Variants in AP2B1 observed in about 807,000 individuals in gnomAD.
AP2B1 encodes adaptor related protein complex 2 subunit beta 1.
In AP2B1, 23 loss-of-function variants were observed where a neutral mutation model predicts 102.0. That is an observed-to-expected ratio of 0.23 (90% CI 0.16 to 0.32). The LOEUF (loss-of-function observed/expected upper bound fraction) is 0.32, where lower values mean the gene tolerates loss of function less well. Ranked by LOEUF, AP2B1 falls within the 10% of genes least tolerant of loss-of-function variation. The pLI, the probability that AP2B1 is intolerant of heterozygous loss-of-function variation, is 1.00. For missense variants in AP2B1, 541 were observed against 1,157.4 expected, an observed-to-expected ratio of 0.47 and a Z score of 7.73; for synonymous variants, 381 against 421.2, an observed-to-expected ratio of 0.90 and a Z score of 1.17.
chr17:35,709,451 T>G, intron 19 of AP2B1, 143 bp downstream of exon 19: 5 of 656,394 alleles, frequency 7.6e-6, no homozygotes, highest in Non-Finnish European at 1.1e-5. Flanking sequence ...TAATAATTGC[T>G]CATTATTTAT....
chr17:35,690,510 C>T (rs949649055), intron 18 of AP2B1, among the ~76,000 whole-genome samples: 2 of 152,196 alleles, frequency 1.3e-5, no homozygotes, highest in Admixed American at 1.3e-4. Context: ...TTTATCCTCT[C>T]TAAAAGAATC....
At chr17:35,683,852 T>A (rs587707783) in intron 18 of AP2B1, among the ~76,000 whole-genome samples, 6 of 152,232 alleles carry the variant, frequency 3.9e-5, no homozygotes, top group Non-Finnish European at 7.4e-5. Context: ...GAAGGGCAGC[T>A]CCCTCAAAGA....
At chr17:35,678,390 G>T (rs1194296789) in intron 17 of AP2B1, among the ~76,000 whole-genome samples, 1 of 150,962 alleles carries the variant, frequency 6.6e-6, no homozygotes, top group African/African-American at 2.4e-5. Flanking sequence ...TTTTCTTCTT[G>T]TCTGATTGTA....
intron 18 of AP2B1, among the ~76,000 whole-genome samples, chr17:35,697,954 C>T (rs1045374409): frequency 4.6e-5 from 7 of 152,130 alleles, no homozygotes; most frequent in Non-Finnish European, 8.8e-5. Context: ...AGCAAGACTC[C>T]GTCTCAAAAG....
intron 13 of AP2B1, among the ~76,000 whole-genome samples, chr17:35,654,309 C>T (rs984101741): frequency 2.0e-5 from 3 of 151,970 alleles, no homozygotes; most frequent in Admixed American, 6.6e-5. Context: ...GGTGATCTGC[C>T]GACCTTGGCC....
At position 35,587,448 on chromosome 17, in the gene AP2B1, CT is replaced by C; in HGVS notation, c.-24+23del. ...CCTCCGGTGAGTTCAGGGCGGTTGCCTTTAGGGTGTGTCCCTAATTGACGGG... is the reference window on the plus strand; with the variant it reads ...CCTCCGGTGAGTTCAGGGCGGTTGCCTTAGGGTGTGTCCCTAATTGACGGG... On this transcript the variant is annotated intron_variant, in intron 1 of 21. Coordinates refer to ENST00000610402, the MANE Select transcript of AP2B1 (RefSeq NM_001030006.2). The C allele has an allele frequency of 6.5e-6, 1 of 152,792 alleles. No homozygotes were observed. Among genetic ancestry groups the C allele is most frequent in the African/African-American group, 2.4e-5 (1 of 41,600 alleles). 9.5% of individuals were successfully genotyped at this position (152,792 alleles called of 1,614,324 possible). A position where few individuals can be genotyped will look rare whatever the true frequency, so the allele number is the denominator to read the frequency against.
At chr17:35,610,703 C>G (rs2073832421) in intron 5 of AP2B1, among the ~76,000 whole-genome samples, 2 of 151,666 alleles carry the variant, frequency 1.3e-5, no homozygotes, top group Admixed American at 1.3e-4. Context: ...GTCAGGAAAT[C>G]AGGACCATCC....
Position 35,620,803 on chromosome 17 carries a change from G to A in AP2B1, c.526-3594G>A, listed in dbSNP as rs183862244. On this transcript the variant is annotated intron_variant, in intron 5 of 21. Transcript: ENST00000610402. ...ACTGCATTCCAGCCTGGGCAACAGAGTGAGACCCTGCCTCTTTAAAAAAAT... is the reference window on the plus strand; with the variant it reads ...ACTGCATTCCAGCCTGGGCAACAGAATGAGACCCTGCCTCTTTAAAAAAAT... Among the ~76,000 whole-genome samples, 4 of 152,290 alleles carry A rather than the reference G, an allele frequency of 2.6e-5. No individual in the cohort carries two copies. In the East Asian group the frequency reaches 5.8e-4, roughly 22 times the overall value.
intron 12 of AP2B1, among the ~76,000 whole-genome samples, chr17:35,649,682 C>A (rs2075037384): frequency 6.6e-6 from 1 of 152,228 alleles, no homozygotes; most frequent in African/African-American, 2.4e-5. Context: ...TTAGGATTAA[C>A]CCATCTTAAT....
intron 14 of AP2B1, among the ~76,000 whole-genome samples, chr17:35,662,304 C>T (rs756486365): frequency 1.3e-5 from 2 of 151,348 alleles, no homozygotes; most frequent in Admixed American, 6.7e-5. Context: ...TCAGCATATT[C>T]TCTTTTGCTT....
chr17:35,637,215 C>G (rs1370814927), intron 10 of AP2B1, among the ~76,000 whole-genome samples: 1 of 152,178 alleles, frequency 6.6e-6, no homozygotes, highest in East Asian at 1.9e-4. Flanking sequence ...GAGATGGAGT[C>G]TCACTCTGTT....
intron 2 of AP2B1, among the ~76,000 whole-genome samples, chr17:35,595,442 G>A (rs1391208822): frequency 1.3e-5 from 2 of 152,160 alleles, no homozygotes; most frequent in African/African-American, 4.8e-5. Flanking sequence ...AGCTATTTGG[G>A]AGGCTGAGGT....
chr17:35,597,397 A>T (rs569646459), intron 2 of AP2B1, among the ~76,000 whole-genome samples: 1 of 152,286 alleles, frequency 6.6e-6, no homozygotes, highest in Admixed American at 6.5e-5. Flanking sequence ...CCAGGCCTTA[A>T]AATAGTGGTT....
At chr17:35,632,803 G>A (rs780813262) in intron 9 of AP2B1, among the ~76,000 whole-genome samples, 2 of 151,472 alleles carry the variant, frequency 1.3e-5, no homozygotes, top group East Asian at 1.9e-4. Flanking sequence ...ATAATACTAC[G>A]GATTTACTAA....
At chr17:35,600,162 A>G (rs1449881071) in intron 3 of AP2B1, among the ~76,000 whole-genome samples, 1 of 151,410 alleles carries the variant, frequency 6.6e-6, no homozygotes, top group East Asian at 2.0e-4. Flanking sequence ...GCTCACTGCA[A>G]CCTCCGCCTC....
chr17:35,679,201 T>G (rs3859283), intron 17 of AP2B1, among the ~76,000 whole-genome samples: 3 of 152,180 alleles, frequency 2.0e-5, no homozygotes, highest in Non-Finnish European at 4.4e-5. Flanking sequence ...CGTTTCCTTC[T>G]TTGCTCTGGT....
In AP2B1 at chr17:35,650,718, T is replaced by C; in HGVS notation, c.1725T>C (p.His575=). 1 of 1,614,182 alleles carries C rather than the reference T, an allele frequency of 6.2e-7. No individual in the cohort carries two copies. The highest frequency in any genetic ancestry group is 8.5e-7 in the Non-Finnish European group (1 of 1,180,030). ...CHIGSLASVY[H]KPPNAFVEGS... The stretch of plus-strand genomic sequence containing the variant: ...TTGGTTCTTTGGCCTCTGTGTATCA[T>C]AAGCCTCCCAATGCTTTTGTGGAAG... Residue 575 remains histidine (H), a synonymous_variant, in exon 13 of 22, where the codon CAT becomes CAC. Coordinates refer to ENST00000610402, the MANE Select transcript of AP2B1 (RefSeq NM_001030006.2).
chr17:35,666,126 T>C (rs1246416173), intron 14 of AP2B1, among the ~76,000 whole-genome samples: 1 of 152,168 alleles, frequency 6.6e-6, no homozygotes, highest in Non-Finnish European at 1.5e-5. Context: ...GAACTGAGCC[T>C]GTATGCGGGC....
rs144411580 is a variant in AP2B1, at chr17:35,650,577, C to T, written c.1584C>T (p.Arg528=). 9.9e-6 allele frequency: 16 copies of T among 1,614,096 alleles called. No homozygotes were observed. The African/African-American group carries it at 1.7e-4, about 17-fold the overall frequency. Residue 528 remains arginine (R), a synonymous_variant, in exon 13 of 22, where the codon CGC becomes CGT. Coordinates refer to ENST00000610402, the MANE Select transcript of AP2B1 (RefSeq NM_001030006.2). The part of the protein sequence containing the change: ...DLRDRGYIYW[R]LLSTDPVTAK... ...GAGACCGGGGCTATATTTATTGGCG[C>T]CTTCTCTCAACTGACCCTGTTACAG... is the stretch of plus-strand genomic sequence containing the variant.
Sources: gnomAD v4.1 joint callset for allele counts (sites outside exome capture counted in the v4.1 genomes callset) on GRCh38, gnomAD v4.1.1 for gene constraint, MANE v1.5 for transcripts, NCBI Gene and HGNC (gene_info 2026-07-23, HGNC 2026-07-21) for gene names.